The following ABTB2 variants were observed in gnomAD, a reference collection of about 807,000 sequenced individuals.
ABTB2 encodes ankyrin repeat and BTB domain containing 2.
ABTB2 carries 56 observed loss-of-function variants against 104.1 expected under a neutral mutation model. The ratio of observed to expected loss-of-function variants is 0.54; its 90% CI spans 0.43 to 0.67. ABTB2 has a LOEUF of 0.67. Ranked by LOEUF, ABTB2 falls within the 30% of genes least tolerant of loss-of-function variation. The pLI is 0.00. For missense variants in ABTB2, 1,279 were observed against 1,407.7 expected (o/e 0.91, Z 1.46); for synonymous variants, 606 against 608.2 (o/e 1.00, Z 0.05).
At chr11:34,269,229 C>T (rs912563059) in intron 1 of ABTB2, among the ~76,000 whole-genome samples, 5 of 152,094 alleles carry the variant, frequency 3.3e-5, no homozygotes, top group Non-Finnish European at 5.9e-5. Context: ...TGGTTTTCAT[C>T]GGGAAGTGCC....
chr11:34,325,950 A>AAAAACAAAATAAAAT (rs1855064491), intron 1 of ABTB2, among the ~76,000 whole-genome samples: 1 of 117,922 alleles, frequency 8.5e-6, no homozygotes, highest in Non-Finnish European at 1.7e-5. Context: ...GACAGTCTCA[A>AAAAACAAAATAAAAT]AAAATAAAAT....
intron 1 of ABTB2, among the ~76,000 whole-genome samples, chr11:34,327,009 A>G (rs1388118207): frequency 4.6e-5 from 7 of 152,212 alleles, no homozygotes; most frequent in Admixed American, 3.3e-4. Context: ...CGGGAGGTGG[A>G]GGTTGCAGTG....
At chr11:34,233,078 G>T (rs1983756) in intron 1 of ABTB2, among the ~76,000 whole-genome samples, 143,101 of 151,778 alleles carry the variant, frequency 0.94, 67,705 homozygotes, top group Non-Finnish European at 0.98. Flanking sequence ...TGGTCCTCCA[G>T]TGGCTAGGGA....
intron 1 of ABTB2, among the ~76,000 whole-genome samples, chr11:34,256,168 G>T (rs528862710): frequency 6.6e-6 from 1 of 152,004 alleles, no homozygotes; most frequent in South Asian, 2.1e-4. Flanking sequence ...ACTTGTGGGG[G>T]GTGGGGCGGG....
intron 1 of ABTB2, among the ~76,000 whole-genome samples, chr11:34,288,134 T>C (rs1025810143): frequency 2.0e-5 from 3 of 152,226 alleles, no homozygotes; most frequent in Non-Finnish European, 2.9e-5. Context: ...TATTTTATTA[T>C]TAAAAATTTC....
intron 1 of ABTB2, among the ~76,000 whole-genome samples, chr11:34,331,731 C>G (rs1201491839): frequency 6.6e-6 from 1 of 152,234 alleles, no homozygotes; most frequent in East Asian, 1.9e-4. Flanking sequence ...AAGTGATAAT[C>G]TTTTGCAGAG....
At chr11:34,169,554 C>A (rs1161518127) in intron 5 of ABTB2, among the ~76,000 whole-genome samples, 1 of 152,132 alleles carries the variant, frequency 6.6e-6, no homozygotes, top group Non-Finnish European at 1.5e-5. Context: ...CTAGGTCTAT[C>A]TGAAGCTAAA....
chr11:34,349,614 G>A (rs1564938820), intron 1 of ABTB2, among the ~76,000 whole-genome samples: 1 of 152,174 alleles, frequency 6.6e-6, no homozygotes, highest in Admixed American at 6.5e-5. Flanking sequence ...CCCTCACAGG[G>A]ACTCTTATGA....
In ABTB2 at chr11:34,157,154, C is replaced by T. The variant is rs564400602; in HGVS notation, c.2697+2142G>A. Among the ~76,000 whole-genome samples, 8 of 152,352 alleles carry T rather than the reference C, an allele frequency of 5.3e-5. No individual in the cohort carries two copies. In the East Asian group the frequency reaches 1.5e-3, roughly 29 times the overall value. ...CCAGACTGATGGCTTCAGGCTGACCCCTCCAGGGAGGCCCGGAAAGTCGGA... is the reference window on the plus strand; with the variant it reads ...CCAGACTGATGGCTTCAGGCTGACCTCTCCAGGGAGGCCCGGAAAGTCGGA... On this transcript the variant is annotated intron_variant, in intron 14 of 16. Coordinates refer to ENST00000435224, the MANE Select transcript of ABTB2 (RefSeq NM_145804.3).
At chr11:34,182,188 C>T (rs1853036335) in intron 3 of ABTB2, among the ~76,000 whole-genome samples, 1 of 152,232 alleles carries the variant, frequency 6.6e-6, no homozygotes. Context: ...CCACCACGGC[C>T]TAATACCAAG....
chr11:34,343,132 G>A (rs1424481260), intron 1 of ABTB2, among the ~76,000 whole-genome samples: 1 of 151,708 alleles, frequency 6.6e-6, no homozygotes, highest in East Asian at 1.9e-4. Flanking sequence ...AGCACTCTGG[G>A]CTAATATGTT....
At chr11:34,261,294 T>C (rs975793465) in intron 1 of ABTB2, among the ~76,000 whole-genome samples, 1 of 152,164 alleles carries the variant, frequency 6.6e-6, no homozygotes, top group Non-Finnish European at 1.5e-5. Flanking sequence ...GTACACAGTG[T>C]CACAGCTGTG....
chr11:34,250,386 T>C (rs1287257418), intron 1 of ABTB2, among the ~76,000 whole-genome samples: 6 of 152,186 alleles, frequency 3.9e-5, no homozygotes, highest in African/African-American at 1.4e-4. Context: ...TGGCATGTAG[T>C]GCATATGCAA....
At position 34,197,373 on chromosome 11, in the gene ABTB2, A is replaced by G; in HGVS notation, c.1196T>C (p.Met399Thr). The change falls in exon 3 of 17, where the codon ATG becomes ACG. Residue 399 changes from methionine to threonine, a missense_variant. By Grantham distance (81) the Met-to-Thr change is moderately conservative. Coordinates refer to ENST00000435224, the MANE Select transcript of ABTB2 (RefSeq NM_145804.3). ...CGGGGGGTCCAGGTTGGGGTTCTCC[A>G]TGGACTCCATCTGTGGACACCGCAG... ...YFLRCPQMESMENPNLDPPRM... is the reference protein window; with the variant it reads ...YFLRCPQMESTENPNLDPPRM... 2 of 1,613,992 alleles carry G rather than the reference A, an allele frequency of 1.2e-6. No individual in the cohort carries two copies. The highest frequency in any genetic ancestry group is 1.7e-6 in the Non-Finnish European group (2 of 1,179,980).
At chr11:34,263,979 T>G (rs1477375631) in intron 1 of ABTB2, among the ~76,000 whole-genome samples, 4 of 152,242 alleles carry the variant, frequency 2.6e-5, no homozygotes, top group Non-Finnish European at 5.9e-5. Context: ...CTTAACATGC[T>G]GACGTCTTTA....
intron 1 of ABTB2, among the ~76,000 whole-genome samples, chr11:34,273,478 A>C (rs763156549): frequency 6.6e-6 from 1 of 152,136 alleles, no homozygotes; most frequent in Non-Finnish European, 1.5e-5. Context: ...TCACTTCTCC[A>C]CTGGACGAAG....
chr11:34,354,910 C>A (rs1426143914), intron 1 of ABTB2, among the ~76,000 whole-genome samples: 1 of 146,778 alleles, frequency 6.8e-6, no homozygotes, highest in East Asian at 2.3e-4. Flanking sequence ...TCAATTATGA[C>A]CACTGGAGAT....
At chr11:34,262,727 G>A (rs1183214000) in intron 1 of ABTB2, among the ~76,000 whole-genome samples, 1 of 152,152 alleles carries the variant, frequency 6.6e-6, no homozygotes, top group African/African-American at 2.4e-5. Flanking sequence ...ATTATTAACA[G>A]TGACAATAAT....
chr11:34,163,035 C>T (rs1045259619), intron 9 of ABTB2, among the ~76,000 whole-genome samples: 6 of 152,192 alleles, frequency 3.9e-5, no homozygotes, highest in East Asian at 1.9e-4. Context: ...CTACCATCCC[C>T]GTATTGCAGA....
Sources: allele counts gnomAD v4.1 joint callset (sites outside exome capture counted in the v4.1 genomes callset), GRCh38; gene constraint gnomAD v4.1.1; transcripts MANE v1.5; gene names NCBI Gene and HGNC (gene_info 2026-07-23, HGNC 2026-07-21).